ACE: variants seen among roughly 807,000 people sequenced by gnomAD.
The protein encoded by ACE is angiotensin I converting enzyme, also known as angiotensin-converting enzyme.
Under a neutral mutation model 162.3 loss-of-function variants are expected in ACE, and 122 were observed. That is an observed-to-expected ratio of 0.75 (90% CI 0.65 to 0.87). The LOEUF (loss-of-function observed/expected upper bound fraction) is 0.87. Among genes scored for constraint, ACE ranks in the 40% least tolerant of loss-of-function variants. The pLI, the probability that ACE is intolerant of heterozygous loss-of-function variation, is 0.00. For synonymous variants in ACE, 796 were observed against 720.6 expected (o/e 1.10, Z -1.68); for missense variants, 1,799 against 1,735.1 (o/e 1.04, Z -0.65).
chr17:63,479,237 G>A (rs1192679010), intron 3 of ACE, 137 bp downstream of exon 3: 19 of 755,314 alleles, frequency 2.5e-5, no homozygotes, highest in Non-Finnish European at 4.4e-5. Context: ...AACTGGGGCT[G>A]GACGGTGCAG....
In ACE at chr17:63,480,452, C is replaced by T. The variant is rs780365048; in HGVS notation, c.771C>T (p.Phe257=). The T allele has an allele frequency of 5.6e-6, 9 of 1,614,110 alleles. No homozygotes were observed. The highest frequency in any genetic ancestry group is 2.2e-5 in the South Asian group (2 of 91,090). ...CCCTCTACCTGAACCTCCATGCCTT[C>T]GTCCGCCGCGCACTGCATCGCCGAT... The part of the protein sequence containing the change: ...LEPLYLNLHA[F]VRRALHRRYG... Residue 257 remains phenylalanine, a synonymous_variant, in exon 5 of 25, where the codon TTC becomes TTT. Transcript: ENST00000290866.
Position 63,477,265 on chromosome 17 carries a change from C to T in ACE, c.171C>T (p.Ala57=). 6.7e-7 allele frequency: 1 copy of T among 1,494,738 alleles called. No individual in the cohort carries two copies. Among genetic ancestry groups the T allele is most frequent in the Non-Finnish European group, 8.9e-7 (1 of 1,123,084 alleles). 92.6% of individuals were successfully genotyped at this position (1,494,738 alleles called of 1,614,324 possible). ...QLFAQSYNSS[A]EQVLFQSVAA... ...TCGCGCAGAGCTACAACTCCAGCGCCGAACAGGTGCTGTTCCAGAGCGTGG... is the reference window on the plus strand; with the variant it reads ...TCGCGCAGAGCTACAACTCCAGCGCTGAACAGGTGCTGTTCCAGAGCGTGG... The change falls in exon 1 of 25, where the codon GCC becomes GCT. Residue 57 remains alanine (A), a synonymous_variant. Transcript: ENST00000290866.
At chr17:63,487,968 C>T (rs1599147854) in intron 15 of ACE, among the ~76,000 whole-genome samples, 1 of 152,172 alleles carries the variant, frequency 6.6e-6, no homozygotes, top group South Asian at 2.1e-4. Context: ...GGTGTGGTGG[C>T]TCATGCCTCT....
intron 7 of ACE, among the ~76,000 whole-genome samples, chr17:63,482,059 G>A (rs979078910): frequency 6.6e-6 from 1 of 152,222 alleles, no homozygotes; most frequent in Non-Finnish European, 1.5e-5. Context: ...CACTTTGGGA[G>A]GTCAAGGCGG....
At chr17:63,478,900 C>T in intron 2 of ACE, 107 bp from the exon 3 acceptor site, 1 of 943,044 alleles carries the variant, frequency 1.1e-6, no homozygotes, top group Non-Finnish European at 1.7e-6. Context: ...ACTGAGTGGC[C>T]TTGTCCAAGC....
In ACE at chr17:63,484,661, G is replaced by C; in HGVS notation, c.1921+120G>C. On this transcript the variant is annotated intron_variant, in intron 12 of 24. Coordinates refer to ENST00000290866, the MANE Select transcript of ACE (RefSeq NM_000789.4). This position sits in a 1 kb window ranked among gnomAD's most constrained non-coding sequence, Gnocchi z 4.0. ...GAGCCCTGGTACCCTGTCCTGGAGG[G>C]CCAGGCAGCCCCCCAAGCTCATCAG... is the stretch of plus-strand genomic sequence containing the variant. 1 of 1,448,876 alleles carries C rather than the reference G, an allele frequency of 6.9e-7. No homozygotes were observed. Among genetic ancestry groups the C allele is most frequent in the African/African-American group, 1.4e-5 (1 of 70,782 alleles). 89.8% of individuals were successfully genotyped at this position (1,448,876 alleles called of 1,614,324 possible).
At chr17:63,493,748 T>C in intron 20 of ACE, 89 bp downstream of exon 20, 1 of 1,533,632 alleles carries the variant, frequency 6.5e-7, no homozygotes, top group Non-Finnish European at 8.9e-7. Context: ...TAGTGGCCCA[T>C]GGGCAGAGGT....
intron 17 of ACE, 54 bp from the exon 18 acceptor site, chr17:63,490,900 G>A: frequency 1.3e-6 from 2 of 1,556,392 alleles, no homozygotes; most frequent in Non-Finnish European, 1.8e-6. Flanking sequence ...AGGGCATTGA[G>A]CCTAAGTAAC....
rs1406482731 is a variant in ACE, at chr17:63,496,831, G to A, written c.3537G>A (p.Trp1179Ter). ...TAMKLGFSRP[W>*]PEAMQLITGQ... is the part of the protein sequence containing the mutation. ...TGAAGCTGGGCTTCAGTAGGCCGTG[G>A]CCGGAAGCCATGCAGCTGATCACGG... Residue 1179 changes from tryptophan (W) to a stop codon, truncating the protein, a stop_gained, in exon 24 of 25, where the codon TGG becomes TGA. Transcript: ENST00000290866. LOFTEE classifies it high-confidence loss of function. 1.2e-6 allele frequency: 2 copies of A among 1,613,068 alleles called. No homozygotes were observed. Among genetic ancestry groups the A allele is most frequent in the South Asian group, 1.1e-5 (1 of 91,082 alleles).
chr17:63,477,276 T>C lies in ACE; in HGVS notation c.182T>C (p.Leu61Pro). The C allele has an allele frequency of 2.7e-6, 4 of 1,465,512 alleles. No homozygotes were observed. The highest frequency in any genetic ancestry group is 3.6e-6 in the Non-Finnish European group (4 of 1,105,166). 90.8% of individuals were successfully genotyped at this position (1,465,512 alleles called of 1,614,324 possible). ...QSYNSSAEQV[L>P]FQSVAASWAH... The stretch of plus-strand genomic sequence containing the variant: ...TACAACTCCAGCGCCGAACAGGTGC[T>C]GTTCCAGAGCGTGGCCGCCAGCTGG... The change falls in exon 1 of 25, where the codon CTG (leucine) becomes CCG (proline). Residue 61 changes from leucine (L) to proline (P), a missense_variant. Transcript: ENST00000290866.
chr17:63,478,641 TGACAGA>T, intron 2 of ACE: 1 of 373,864 alleles, frequency 2.7e-6, no homozygotes, highest in Non-Finnish European at 5.2e-6. Flanking sequence ...CCAGCCTGCG[TGACAGA>T]GTGAGACCTC....
Position 63,484,253 on chromosome 17 carries a change from G to A in ACE, c.1710-77G>A. The A allele has an allele frequency of 5.4e-6, 8 of 1,490,364 alleles. No homozygotes were observed. In the South Asian group the frequency reaches 9.6e-5, roughly 18 times the overall value. 92.3% of individuals were successfully genotyped at this position (1,490,364 alleles called of 1,614,324 possible). A position where few individuals can be genotyped will look rare whatever the true frequency, so the allele number is the denominator to read the frequency against. On this transcript the variant is annotated intron_variant, in intron 11 of 24. Coordinates refer to ENST00000290866, the MANE Select transcript of ACE (RefSeq NM_000789.4). This position sits in a 1 kb window ranked among gnomAD's most constrained non-coding sequence, Gnocchi z 4.0. Reference sequence around the variant, plus strand: ...GTCCATTGGGGGGCGGAAGTGGCCAGGGGCATGTGGGCCGGGGTCCAGGAG... The same window carrying A: ...GTCCATTGGGGGGCGGAAGTGGCCAAGGGCATGTGGGCCGGGGTCCAGGAG...
chr17:63,494,203 G>A, intron 21 of ACE, 137 bp downstream of exon 21: 4 of 1,349,902 alleles, frequency 3.0e-6, no homozygotes, highest in South Asian at 2.5e-5. Flanking sequence ...TGATGTGTGT[G>A]GTGTAAGTGA....
chr17:63,482,851 G>A (rs150648336), intron 8 of ACE, among the ~76,000 whole-genome samples, 162 bp downstream of exon 8: 3 of 152,150 alleles, frequency 2.0e-5, no homozygotes, highest in African/African-American at 7.2e-5. Context: ...TGCACACTGC[G>A]CCCAGCTCAG....
Position 63,486,616 on chromosome 17 carries a change from G to A in ACE, c.2118G>A (p.Lys706=). 1 of 1,614,252 alleles carries A rather than the reference G, an allele frequency of 6.2e-7. No individual in the cohort carries two copies. The highest frequency in any genetic ancestry group is 8.5e-7 in the Non-Finnish European group (1 of 1,180,046). Residue 706 remains lysine (K), a synonymous_variant, in exon 14 of 25, where the codon AAG becomes AAA. Transcript: ENST00000290866. Reference sequence around the variant, plus strand: ...TGAAGTACGGCACCCAGGCCAGGAAGTTTGATGTGAACCAGTTGCAGAACA... The same window carrying A: ...TGAAGTACGGCACCCAGGCCAGGAAATTTGATGTGAACCAGTTGCAGAACA... ...HTLKYGTQAR[K]FDVNQLQNTT... is the part of the protein sequence containing the mutation.
Position 63,480,459 on chromosome 17 carries a change from C to A in ACE, c.778C>A (p.Arg260Ser), listed in dbSNP as rs147670020. ...LYLNLHAFVR[R>S]ALHRRYGDRY... The stretch of plus-strand genomic sequence containing the variant: ...CCTGAACCTCCATGCCTTCGTCCGC[C>A]GCGCACTGCATCGCCGATACGGAGA... Residue 260 changes from arginine to serine, a missense_variant, in exon 5 of 25, where the codon CGC (arginine) becomes AGC (serine). Arg to Ser is a moderately radical substitution (Grantham distance 110). Coordinates refer to ENST00000290866, the MANE Select transcript of ACE (RefSeq NM_000789.4). The A allele has an allele frequency of 1.9e-6, 3 of 1,614,120 alleles. No individual in the cohort carries two copies. The Admixed American group carries it at 5.0e-5, about 27-fold the overall frequency.
At chr17:63,495,308 G>A (rs1018706999) in intron 22 of ACE, among the ~76,000 whole-genome samples, 1 of 152,180 alleles carries the variant, frequency 6.6e-6, no homozygotes, top group African/African-American at 2.4e-5. Flanking sequence ...GGAGGCTGGG[G>A]GCTAGAGAGA....
At chr17:63,496,690 G>T in intron 23 of ACE, 108 bp from the exon 24 acceptor site, 1 of 1,580,980 alleles carries the variant, frequency 6.3e-7, no homozygotes, top group Non-Finnish European at 8.7e-7. Flanking sequence ...GAGCCCTGGG[G>T]CCCTGGGACA....
intron 8 of ACE, 67 bp from the exon 9 acceptor site, chr17:63,482,962 C>T (rs1568038394): frequency 6.5e-7 from 1 of 1,548,602 alleles, no homozygotes; most frequent in Non-Finnish European, 8.9e-7. Context: ...CCCGCCAGCC[C>T]ACACTCTTAG....
Sources: gnomAD v4.1 joint callset for allele counts (sites outside exome capture counted in the v4.1 genomes callset) on GRCh38, gnomAD v4.1.1 for gene constraint, Gnocchi (gnomAD v3.1) non-coding constraint, MANE v1.5 for transcripts, NCBI Gene and HGNC (gene_info 2026-07-23, HGNC 2026-07-21) for gene names.